Variants in CDH5 observed in about 807,000 individuals in gnomAD.
CDH5 encodes the protein cadherin 5.
A neutral mutation model predicts 62.0 loss-of-function variants in CDH5; 28 were observed. That is an observed-to-expected ratio of 0.45 (90% CI 0.33 to 0.62). The LOEUF is 0.62. Ranked by LOEUF, CDH5 falls within the 20% of genes least tolerant of loss-of-function variation. The probability of loss-of-function intolerance (pLI) is 0.02; values close to 1 mark genes in which losing one functional copy is unlikely to be tolerated. For synonymous variants in CDH5, 464 were observed against 445.8 expected, an observed-to-expected ratio of 1.04 and a Z score of -0.52; for missense variants, 940 against 1,065.1, an observed-to-expected ratio of 0.88 and a Z score of 1.63.
At chr16:66,386,722 C>T in intron 2 of CDH5, 87 bp from the exon 3 acceptor site, 2 of 1,190,792 alleles carry the variant, frequency 1.7e-6, no homozygotes, top group Non-Finnish European at 1.2e-6. Flanking sequence ...CATGCACAGG[C>T]ACACCTGTGT....
intron 2 of CDH5, among the ~76,000 whole-genome samples, chr16:66,384,661 C>CAAAAAAAAAAA: frequency 9.8e-6 from 1 of 101,600 alleles, no homozygotes; most frequent in Non-Finnish European, 1.9e-5. Context: ...GTACCTGTCT[C>CAAAAAAAAAAA]AAAAAAAAAA....
At chr16:66,372,451 T>A (rs1026228894) in intron 1 of CDH5, among the ~76,000 whole-genome samples, 9 of 152,194 alleles carry the variant, frequency 5.9e-5, no homozygotes, top group Admixed American at 5.9e-4. Context: ...CAACCAAACC[T>A]GGTGGGGTGG....
At chr16:66,389,258 A>G (rs2142329159) in intron 4 of CDH5, 100 bp from the exon 5 acceptor site, 1 of 1,161,542 alleles carries the variant, frequency 8.6e-7, no homozygotes, top group East Asian at 2.5e-5. Context: ...CAGTGGAATC[A>G]CCAGGGAAGC....
intron 2 of CDH5, among the ~76,000 whole-genome samples, chr16:66,383,892 C>T (rs1371796045): frequency 6.6e-6 from 1 of 152,070 alleles, no homozygotes; most frequent in Non-Finnish European, 1.5e-5. Flanking sequence ...CTTCCCTAGG[C>T]TGCATCATCT....
chr16:66,372,978 A>C (rs1175149620), intron 1 of CDH5, among the ~76,000 whole-genome samples: 1 of 152,178 alleles, frequency 6.6e-6, no homozygotes, highest in African/African-American at 2.4e-5. Flanking sequence ...TGCCTGGGAC[A>C]CTGCAGGTAC....
At position 66,386,912 on chromosome 16, in the gene CDH5, T is replaced by C. The variant is rs779100926; in HGVS notation, c.314T>C (p.Ile105Thr). ...GCAGAGACAGGAGACGTGTTCGCCA[T>C]TGAGAGGCTGGACCGGGAGAATATC... ...VDAETGDVFA[I>T]ERLDRENISE... is the part of the protein sequence containing the mutation. The change falls in exon 3 of 12, where the codon ATT becomes ACT. Residue 105 changes from isoleucine (I) to threonine (T), a missense_variant. Ile to Thr is a moderately conservative substitution (Grantham distance 89, BLOSUM62 -1). Transcript: ENST00000341529. 2.5e-6 allele frequency: 4 copies of C among 1,614,098 alleles called. No individual in the cohort carries two copies. Among genetic ancestry groups the C allele is most frequent in the Admixed American group, 3.3e-5 (2 of 60,004 alleles).
rs758993221 is a variant in CDH5 at position 66,390,506 on chromosome 16, C to T, written c.885C>T (p.Tyr295=). 6 of 1,614,150 alleles carry T rather than the reference C, an allele frequency of 3.7e-6. No homozygotes were observed. Among genetic ancestry groups the T allele is most frequent in the Non-Finnish European group, 5.1e-6 (6 of 1,180,028 alleles). ...PDEPQNRMTK[Y]SILRGDYQDA... is the part of the protein sequence containing the mutation. ...AGCCCCAGAACCGGATGACCAAGTACAGCATCTTGCGGGGCGACTACCAGG... is the reference window on the plus strand; with the variant it reads ...AGCCCCAGAACCGGATGACCAAGTATAGCATCTTGCGGGGCGACTACCAGG... Residue 295 remains tyrosine (Y), a synonymous_variant, in exon 6 of 12, where the codon TAC becomes TAT. Transcript: ENST00000341529.
Position 66,388,327 on chromosome 16 carries a change from C to G in CDH5, c.503C>G (p.Thr168Ser), listed in dbSNP as rs768329673. The G allele has an allele frequency of 1.2e-6, 2 of 1,607,856 alleles. No individual in the cohort carries two copies. The highest frequency in any genetic ancestry group is 2.2e-5 in the South Asian group (2 of 90,920). Residue 168 changes from threonine to serine, a missense_variant, in exon 4 of 12, where the codon ACC (threonine) becomes AGC (serine). Physicochemically the swap from Thr to Ser is moderately conservative, Grantham distance 58. Coordinates refer to ENST00000341529, the MANE Select transcript of CDH5 (RefSeq NM_001795.5). ...ASVPESSAVG[T>S]SVISVTAVDA... ...CCCCAGGATTCTCTCTCTGCAGGGA[C>G]CTCAGTCATCTCTGTGACAGCAGTG...
intron 1 of CDH5, among the ~76,000 whole-genome samples, chr16:66,375,131 G>C (rs918867182): frequency 1.3e-5 from 2 of 152,092 alleles, no homozygotes; most frequent in African/African-American, 4.8e-5. Context: ...ATTGCTCTTA[G>C]GCTCCATACC....
chr16:66,400,761 G>C lies in CDH5; in HGVS notation c.1592-10G>C. ...GGCAAAGCCTGACTCCGAGGCCTTG[G>C]TGTTTCCAGATAACACGGCCAACAT... On this transcript the variant is annotated splice_polypyrimidine_tract_variant and intron_variant, in intron 10 of 11. Coordinates refer to ENST00000341529, the MANE Select transcript of CDH5 (RefSeq NM_001795.5). The C allele has an allele frequency of 1.2e-6, 2 of 1,614,192 alleles. No homozygotes were observed. The highest frequency in any genetic ancestry group is 8.5e-7 in the Non-Finnish European group (1 of 1,180,030).
At chr16:66,399,480 G>T (rs1441793096) in intron 10 of CDH5, among the ~76,000 whole-genome samples, 2 of 152,242 alleles carry the variant, frequency 1.3e-5, no homozygotes, top group African/African-American at 4.8e-5. Context: ...GGAAGACTGG[G>T]GAGTGGGGTC....
intron 2 of CDH5, among the ~76,000 whole-genome samples, chr16:66,380,063 T>G (rs12930232): frequency 0.067 from 15 of 224 alleles, no homozygotes; most frequent in African/African-American, 0.071. Flanking sequence ...GGGGTAGGTG[T>G]TGGTGGTGAT....
intron 2 of CDH5, among the ~76,000 whole-genome samples, chr16:66,382,212 C>T (rs1056884299): frequency 2.0e-5 from 3 of 152,236 alleles, no homozygotes; most frequent in Non-Finnish European, 4.4e-5. Flanking sequence ...TAGGAAAGAT[C>T]TGTGTAGCAT....
chr16:66,397,213 T>C (rs1961200788), intron 8 of CDH5, among the ~76,000 whole-genome samples: 1 of 152,200 alleles, frequency 6.6e-6, no homozygotes, highest in Non-Finnish European at 1.5e-5. Context: ...CACTTTCTCA[T>C]GGTACTAATT....
chr16:66,389,568 C>A, intron 5 of CDH5, 46 bp downstream of exon 5: 1 of 1,449,056 alleles, frequency 6.9e-7, no homozygotes. Context: ...TGGGATACCC[C>A]AGACTCAGTG....
At chr16:66,398,646 C>T (rs1477762328) in intron 10 of CDH5, 85 bp downstream of exon 10, 7 of 720,630 alleles carry the variant, frequency 9.7e-6, no homozygotes, top group East Asian at 2.7e-5. Context: ...GCAGGAAGAT[C>T]GCTTGAGCCC....
At chr16:66,400,604 C>G (rs943296983) in intron 10 of CDH5, among the ~76,000 whole-genome samples, 167 bp from the exon 11 acceptor site, 6 of 152,222 alleles carry the variant, frequency 3.9e-5, no homozygotes, top group Admixed American at 1.3e-4. Flanking sequence ...TGTGGCGGAA[C>G]AGACCTGCAC....
At chr16:66,394,186 A>C (rs1961135400) in intron 7 of CDH5, among the ~76,000 whole-genome samples, 1 of 152,150 alleles carries the variant, frequency 6.6e-6, no homozygotes, top group African/African-American at 2.4e-5. Context: ...TTTTACCTTC[A>C]TTATGGTTTG....
Position 66,387,017 on chromosome 16 carries a change from A to G in CDH5, c.419A>G (p.Lys140Arg), listed in dbSNP as rs757850540. The change falls in exon 3 of 12, where the codon AAA becomes AGA. Residue 140 changes from lysine to arginine, a missense_variant. Transcript: ENST00000341529. ...NLETPSSFTI[K>R]VHDVNDNWPV... is the part of the protein sequence containing the mutation. ...GAGACTCCTTCCAGCTTCACCATCAAAGTTCATGACGTGAACGACAACTGG... is the reference window on the plus strand; with the variant it reads ...GAGACTCCTTCCAGCTTCACCATCAGAGTTCATGACGTGAACGACAACTGG... 2 of 1,614,120 alleles carry G rather than the reference A, an allele frequency of 1.2e-6. No homozygotes were observed. The highest frequency in any genetic ancestry group is 2.2e-5 in the South Asian group (2 of 91,066).
Sources: allele counts gnomAD v4.1 joint callset (sites outside exome capture counted in the v4.1 genomes callset), GRCh38; gene constraint gnomAD v4.1.1; transcripts MANE v1.5; gene names NCBI Gene and HGNC (gene_info 2026-07-23, HGNC 2026-07-21).